ARFGAP3: variants seen among roughly 807,000 people sequenced by gnomAD.
ARFGAP3 encodes the protein ARF GTPase activating protein 3, also known as ADP-ribosylation factor GTPase-activating protein 3.
Under a neutral mutation model 75.0 loss-of-function variants are expected in ARFGAP3, and 72 were observed. The observed-to-expected ratio is 0.96, with a 90% CI of 0.79 to 1.17. The LOEUF (loss-of-function observed/expected upper bound fraction) is 1.17. Ranked by LOEUF, ARFGAP3 falls within the 50% of genes most tolerant of loss-of-function variation. The pLI is 0.00. For synonymous variants in ARFGAP3, 221 were observed against 217.9 expected (o/e 1.01, Z -0.13); for missense variants, 620 against 626.6 (o/e 0.99, Z 0.11).
At chr22:42,831,455 A>T in intron 6 of ARFGAP3, 94 bp downstream of exon 6, 1 of 1,284,088 alleles carries the variant, frequency 7.8e-7, no homozygotes, top group Non-Finnish European at 1.1e-6. Flanking sequence ...TACAGGCATG[A>T]GCCACTGTGC....
At chr22:42,841,071 T>G (rs554987598) in intron 2 of ARFGAP3, 55 bp from the exon 3 acceptor site, 4 of 1,579,156 alleles carry the variant, frequency 2.5e-6, no homozygotes, top group Non-Finnish European at 1.7e-6. Flanking sequence ...AGGAGCAAAA[T>G]CAGTGAGCTT....
At chr22:42,802,584 C>T (rs1924920004) in intron 14 of ARFGAP3, among the ~76,000 whole-genome samples, 1 of 150,308 alleles carries the variant, frequency 6.7e-6, no homozygotes, top group Non-Finnish European at 1.5e-5. Context: ...AGAGCCACCG[C>T]GCCTGGCCCA....
intron 11 of ARFGAP3, among the ~76,000 whole-genome samples, chr22:42,812,336 G>A (rs1252323285): frequency 1.3e-5 from 2 of 151,690 alleles, no homozygotes; most frequent in African/African-American, 4.8e-5. Context: ...AGTCCAAGAA[G>A]TTCAGAGGAG....
At chr22:42,803,290 C>G (rs1924961880) in intron 14 of ARFGAP3, among the ~76,000 whole-genome samples, 1 of 152,220 alleles carries the variant, frequency 6.6e-6, no homozygotes. Context: ...CCAAACCAGA[C>G]TGCCTGATGC....
At chr22:42,806,471 C>G (rs1925128659) in intron 14 of ARFGAP3, among the ~76,000 whole-genome samples, 1 of 152,248 alleles carries the variant, frequency 6.6e-6, no homozygotes, top group Non-Finnish European at 1.5e-5. Context: ...ATATGGGAGA[C>G]AGGCAATTCC....
rs748713806 is a variant in ARFGAP3 at position 42,847,560 on chromosome 22, A to C, written c.142T>G (p.Cys48Gly). 6.2e-7 allele frequency: 1 copy of C among 1,614,038 alleles called. No individual in the cohort carries two copies. ...CCAAGTGACCGGTGGGACCCTGAGC[A>C]ATCAATGCAAAGGAACACTCCATAG... ...ITYGVFLCID[C>G]SGSHRSLGVH... Residue 48 changes from cysteine (C) to glycine (G), a missense_variant, in exon 2 of 16, where the codon TGC (cysteine) becomes GGC (glycine). Coordinates refer to ENST00000263245, the MANE Select transcript of ARFGAP3 (RefSeq NM_014570.5).
At chr22:42,802,443 G>A (rs1427810340) in intron 14 of ARFGAP3, among the ~76,000 whole-genome samples, 2 of 150,014 alleles carry the variant, frequency 1.3e-5, no homozygotes, top group African/African-American at 4.9e-5. Flanking sequence ...CCGCCACCAC[G>A]CCCAGATAAT....
intron 14 of ARFGAP3, chr22:42,799,388 C>T (rs1433929299): frequency 3.8e-6 from 1 of 263,652 alleles, no homozygotes; most frequent in Non-Finnish European, 5.9e-6. Context: ...CTTAACACCA[C>T]TATGAGTTCA....
At chr22:42,814,497 G>T (rs1483341979) in intron 11 of ARFGAP3, among the ~76,000 whole-genome samples, 5 of 152,160 alleles carry the variant, frequency 3.3e-5, no homozygotes, top group Admixed American at 3.3e-4. Flanking sequence ...TCTGCTCCCA[G>T]GTTTCAAACC....
intron 6 of ARFGAP3, 148 bp from the exon 7 acceptor site, chr22:42,827,147 C>G: frequency 7.8e-7 from 1 of 1,287,288 alleles, no homozygotes; most frequent in Non-Finnish European, 1.0e-6. Flanking sequence ...TCTATTTTAA[C>G]GTTATAAGAA....
At chr22:42,856,836 C>G (rs1602141730) in intron 1 of ARFGAP3, among the ~76,000 whole-genome samples, 2 of 151,720 alleles carry the variant, frequency 1.3e-5, no homozygotes, top group Non-Finnish European at 2.9e-5. Context: ...TGCTCGCCCC[C>G]CGCCCCAAGA....
intron 10 of ARFGAP3, 60 bp from the exon 11 acceptor site, chr22:42,817,324 T>C: frequency 1.3e-6 from 2 of 1,532,466 alleles, no homozygotes; most frequent in East Asian, 2.3e-5. Context: ...TTCACCAAAA[T>C]AAACAAAGCT....
At chr22:42,853,938 A>T (rs1314699692) in intron 1 of ARFGAP3, 1 of 153,582 alleles carries the variant, frequency 6.5e-6, no homozygotes, top group Non-Finnish European at 1.5e-5. Flanking sequence ...GGTGGCGGTA[A>T]ATCTTGATCT....
intron 14 of ARFGAP3, among the ~76,000 whole-genome samples, chr22:42,801,851 CA>C (rs113739272): frequency 1.3e-5 from 2 of 152,062 alleles, no homozygotes; most frequent in Non-Finnish European, 2.9e-5. Flanking sequence ...AAGAGTGGTG[CA>C]AGGGGGCCTA....
At chr22:42,798,960 T>C (rs1407648692) in intron 15 of ARFGAP3, 79 bp downstream of exon 15, 6 of 1,185,840 alleles carry the variant, frequency 5.1e-6, no homozygotes, top group African/African-American at 4.5e-5. Context: ...TTTCCAGCAG[T>C]TGAAGATTGA....
chr22:42,826,873 G>A, intron 7 of ARFGAP3, 67 bp downstream of exon 7: 1 of 1,435,914 alleles, frequency 7.0e-7, no homozygotes, highest in South Asian at 1.3e-5. Flanking sequence ...CCAAATGCAA[G>A]AGGATTTATT....
At chr22:42,839,683 C>T (rs964432038) in intron 3 of ARFGAP3, among the ~76,000 whole-genome samples, 1 of 151,744 alleles carries the variant, frequency 6.6e-6, no homozygotes, top group South Asian at 2.1e-4. Flanking sequence ...CCATCCTAAC[C>T]ACAAAAGTCA....
chr22:42,854,242 T>G (rs1416032386), intron 1 of ARFGAP3, among the ~76,000 whole-genome samples: 1 of 152,172 alleles, frequency 6.6e-6, no homozygotes, highest in East Asian at 1.9e-4. Flanking sequence ...ATAGCATAGG[T>G]GCTTAATGAA....
chr22:42,810,894 T>A lies in ARFGAP3; in HGVS notation c.1115A>T (p.Asp372Val). ...ELRSSSFSSW[D>V]DSSDSYWKKE... ...TTTCCAATAGGAATCTGAACTGTCA[T>A]CCCAGCTAGAGAAAGAACTGCTCCT... Residue 372 changes from aspartate (D) to valine (V), a missense_variant, in exon 12 of 16, where the codon GAT (aspartate) becomes GTT (valine). Asp to Val is a radical substitution (Grantham distance 152). Transcript: ENST00000263245. The A allele has an allele frequency of 1.2e-6, 2 of 1,614,206 alleles. No individual in the cohort carries two copies. The highest frequency in any genetic ancestry group is 2.2e-5 in the South Asian group (2 of 91,078).
Sources: gnomAD v4.1 joint callset for allele counts (sites outside exome capture counted in the v4.1 genomes callset) on GRCh38, gnomAD v4.1.1 for gene constraint, MANE v1.5 for transcripts, NCBI Gene and HGNC (gene_info 2026-07-23, HGNC 2026-07-21) for gene names.